COL22A1: variants seen among roughly 807,000 people sequenced by gnomAD.
The protein encoded by COL22A1 is collagen type XXII alpha 1 chain.
In COL22A1, 221 loss-of-function variants were observed where a neutral mutation model predicts 248.9. The observed-to-expected ratio is 0.89, with a 90% CI of 0.80 to 0.99. The LOEUF (loss-of-function observed/expected upper bound fraction) is 0.99, where lower values mean the gene tolerates loss of function less well. Ranked by LOEUF, COL22A1 falls within the 50% of genes least tolerant of loss-of-function variation. COL22A1 has a pLI of 0.00. For missense variants in COL22A1, 2,240 were observed against 2,179.0 expected (o/e 1.03, Z -0.56); for synonymous variants, 891 against 793.4 (o/e 1.12, Z -2.07).
rs527269922 is a variant in COL22A1 at position 138,594,721 on chromosome 8, C to T, written c.4433-522G>A. On this transcript the variant is annotated intron_variant, in intron 62 of 64. Coordinates refer to ENST00000303045, the MANE Select transcript of COL22A1 (RefSeq NM_152888.3). Reference sequence around the variant, plus strand: ...GCTGGCTGCTACCCCAGGCGCAGAACGACGGAAGCCATAGTAGCATGGACA... The same window carrying T: ...GCTGGCTGCTACCCCAGGCGCAGAATGACGGAAGCCATAGTAGCATGGACA... Among the ~76,000 whole-genome samples, 242 of 152,256 alleles carry T rather than the reference C, an allele frequency of 1.6e-3. 3 individuals carry two copies. Among genetic ancestry groups the T allele is most frequent in the South Asian group, 0.015 (73 of 4,814 alleles).
At chr8:138,590,845 T>G (rs1003271210) in intron 64 of COL22A1, among the ~76,000 whole-genome samples, 6 of 152,218 alleles carry the variant, frequency 3.9e-5, no homozygotes, top group African/African-American at 1.2e-4. Flanking sequence ...TCTCAAGTCA[T>G]GTCTTGGCTT....
intron 47 of COL22A1, among the ~76,000 whole-genome samples, chr8:138,639,738 G>C (rs1277099923): frequency 6.6e-6 from 1 of 152,154 alleles, no homozygotes; most frequent in Non-Finnish European, 1.5e-5. Context: ...ACTCAGCAAT[G>C]TCTTTCTGAA....
At position 138,792,123 on chromosome 8, in the gene COL22A1, G is replaced by T. The variant is rs1047366408; in HGVS notation, c.1596+4696C>A. 6.6e-5 allele frequency among the ~76,000 whole-genome samples: 10 copies of T among 152,218 alleles called. No individual in the cohort carries two copies. In the East Asian group the frequency reaches 1.9e-3, roughly 29 times the overall value. ...ATTTTGCCCCCATTTCATTCCTGGT[G>T]GGTGTCAGGGCCCCTGAATATTGTA... On this transcript the variant is annotated intron_variant, in intron 12 of 64. Coordinates refer to ENST00000303045, the MANE Select transcript of COL22A1 (RefSeq NM_152888.3).
intron 1 of COL22A1, among the ~76,000 whole-genome samples, chr8:138,901,289 G>A (rs945735224): frequency 6.6e-6 from 1 of 150,960 alleles, no homozygotes; most frequent in African/African-American, 2.4e-5. Context: ...GTCTCCAGCA[G>A]TTGTTGAATC....
intron 23 of COL22A1, among the ~76,000 whole-genome samples, chr8:138,726,540 C>T (rs1316617471): frequency 6.9e-6 from 1 of 144,074 alleles, no homozygotes; most frequent in Non-Finnish European, 1.5e-5. Flanking sequence ...AATGGCCCAA[C>T]TAAACCTATG....
chr8:138,710,805 T>C (rs1828899104), intron 30 of COL22A1, among the ~76,000 whole-genome samples: 1 of 152,102 alleles, frequency 6.6e-6, no homozygotes, highest in African/African-American at 2.4e-5. Context: ...GGTGTTACTG[T>C]GTATTATTTG....
At chr8:138,590,920 T>G (rs1218052138) in intron 64 of COL22A1, among the ~76,000 whole-genome samples, 4 of 152,218 alleles carry the variant, frequency 2.6e-5, no homozygotes, top group African/African-American at 9.7e-5. Context: ...ACCCTACCAC[T>G]GGGTGAGCAT....
At chr8:138,786,389 C>T (rs1330201039) in intron 12 of COL22A1, among the ~76,000 whole-genome samples, 2 of 152,142 alleles carry the variant, frequency 1.3e-5, no homozygotes, top group Non-Finnish European at 2.9e-5. Context: ...TAAGAAACAT[C>T]CACCTGCAAG....
intron 41 of COL22A1, among the ~76,000 whole-genome samples, chr8:138,673,160 A>G (rs895747230): frequency 6.6e-6 from 1 of 151,484 alleles, no homozygotes; most frequent in Admixed American, 6.6e-5. Flanking sequence ...GCATGGGAGC[A>G]TGACATCACG....
chr8:138,703,269 A>G, intron 31 of COL22A1, 37 bp downstream of exon 31: 1 of 1,585,210 alleles, frequency 6.3e-7, no homozygotes, highest in Non-Finnish European at 8.7e-7. Flanking sequence ...CAATATAGGA[A>G]TTCAGAGGAG....
intron 3 of COL22A1, among the ~76,000 whole-genome samples, chr8:138,855,553 C>T (rs994514780): frequency 6.6e-6 from 1 of 152,198 alleles, no homozygotes; most frequent in African/African-American, 2.4e-5. Flanking sequence ...GCTTTCAAAG[C>T]CAGCCGGGAA....
chr8:138,628,333 T>C (rs1329566261), intron 50 of COL22A1, among the ~76,000 whole-genome samples: 2 of 152,230 alleles, frequency 1.3e-5, no homozygotes, highest in Non-Finnish European at 2.9e-5. Context: ...ATGCCTGTAA[T>C]CCTAGCACTT....
chr8:138,802,208 A>G (rs561919342), intron 11 of COL22A1, among the ~76,000 whole-genome samples: 14 of 152,268 alleles, frequency 9.2e-5, no homozygotes, highest in Non-Finnish European at 1.3e-4. Context: ...TCAGCCATTC[A>G]GCTCCTGAGG....
rs1424488671 is a variant in COL22A1, at chr8:138,779,626, G to A, written c.1651-64C>T. The A allele has an allele frequency of 5.4e-6, 6 of 1,118,060 alleles. No individual in the cohort carries two copies. In the East Asian group the frequency reaches 1.4e-4, roughly 26 times the overall value. 69.3% of individuals were successfully genotyped at this position (1,118,060 alleles called of 1,614,324 possible). The stretch of plus-strand genomic sequence containing the variant: ...ACACAGGCCCAGGTACACCAGAGAA[G>A]CCCACAGTCTCCCAGGGCCTCTGCT... On this transcript the variant is annotated intron_variant, in intron 13 of 64. Coordinates refer to ENST00000303045, the MANE Select transcript of COL22A1 (RefSeq NM_152888.3).
intron 47 of COL22A1, among the ~76,000 whole-genome samples, chr8:138,642,026 C>A (rs1821756462): frequency 6.6e-6 from 1 of 152,188 alleles, no homozygotes; most frequent in African/African-American, 2.4e-5. Flanking sequence ...TCAGAGGACA[C>A]ATTTAACCCT....
At chr8:138,713,589 A>G (rs1019318791) in intron 30 of COL22A1, among the ~76,000 whole-genome samples, 3 of 152,296 alleles carry the variant, frequency 2.0e-5, no homozygotes, top group East Asian at 3.9e-4. Flanking sequence ...CAGCTCACGC[A>G]TGTGTCAAAC....
intron 3 of COL22A1, among the ~76,000 whole-genome samples, chr8:138,876,651 C>T (rs149949789): frequency 1.7e-3 from 257 of 152,282 alleles, no homozygotes; most frequent in African/African-American, 6.0e-3. Context: ...CACTGGGCTG[C>T]AAGCCAGGCA....
chr8:138,672,076 C>T (rs1386087041), intron 41 of COL22A1, among the ~76,000 whole-genome samples: 8 of 152,122 alleles, frequency 5.3e-5, no homozygotes, highest in Non-Finnish European at 4.4e-5. Flanking sequence ...ATTCAGGGGC[C>T]AACTGTATGG....
chr8:138,799,750 A>G (rs1372340733), intron 11 of COL22A1, among the ~76,000 whole-genome samples: 1 of 152,150 alleles, frequency 6.6e-6, no homozygotes, highest in Non-Finnish European at 1.5e-5. Context: ...AATGCTATAC[A>G]TGGCATTCAT....
Sources: gnomAD v4.1 joint callset for allele counts (sites outside exome capture counted in the v4.1 genomes callset) on GRCh38, gnomAD v4.1.1 for gene constraint, MANE v1.5 for transcripts, NCBI Gene and HGNC (gene_info 2026-07-23, HGNC 2026-07-21) for gene names.